The following ZMAT5 variants were observed in gnomAD, a reference collection of about 807,000 sequenced individuals.
ZMAT5 encodes zinc finger matrin-type protein 5.
In ZMAT5, 23 loss-of-function variants were observed where a neutral mutation model predicts 28.0. The observed-to-expected ratio is 0.82, with a 90% CI of 0.59 to 1.16. The LOEUF is 1.16. Ranked by LOEUF, ZMAT5 falls within the 50% of genes most tolerant of loss-of-function variation. The pLI, the probability that ZMAT5 is intolerant of heterozygous loss-of-function variation, is 0.00. For missense variants in ZMAT5, 173 were observed against 212.7 expected (o/e 0.81, Z 1.16); for synonymous variants, 76 against 84.1 (o/e 0.90, Z 0.52).
At chr22:29,753,817 C>T (rs539375034) in intron 1 of ZMAT5, among the ~76,000 whole-genome samples, 1 of 152,282 alleles carries the variant, frequency 6.6e-6, no homozygotes, top group South Asian at 2.1e-4. Context: ...AGGCATGTGC[C>T]TGAGGCCATG....
chr22:29,744,638 C>T (rs371874049), intron 2 of ZMAT5, among the ~76,000 whole-genome samples: 139 of 152,278 alleles, frequency 9.1e-4, no homozygotes, highest in African/African-American at 3.3e-3. Context: ...GGGTCCTATA[C>T]AAGGGGCTGT....
At chr22:29,749,525 T>C (rs889139494) in intron 1 of ZMAT5, among the ~76,000 whole-genome samples, 18 of 152,144 alleles carry the variant, frequency 1.2e-4, no homozygotes, top group African/African-American at 4.1e-4. Flanking sequence ...CCCGCCTCAC[T>C]TCCCCTCCTG....
intron 1 of ZMAT5, among the ~76,000 whole-genome samples, chr22:29,753,117 G>C (rs1292288530): frequency 6.6e-6 from 1 of 152,182 alleles, no homozygotes; most frequent in Admixed American, 6.5e-5. Context: ...AGAGTTAAGA[G>C]CTGGCTCTGG....
At chr22:29,745,860 AGCAGAAGCCCTGGG>A (rs2068004976) in intron 2 of ZMAT5, among the ~76,000 whole-genome samples, 1 of 152,236 alleles carries the variant, frequency 6.6e-6, no homozygotes, top group African/African-American at 2.4e-5. Flanking sequence ...GCTCAGAGTG[AGCAGAAGCCCTGGG>A]GCAGCCTCCT....
chr22:29,738,255 G>A, intron 5 of ZMAT5, 75 bp downstream of exon 5: 1 of 1,368,538 alleles, frequency 7.3e-7, no homozygotes, highest in Non-Finnish European at 1.0e-6. Context: ...AGATTCCTGA[G>A]CCTCAGGAAG....
chr22:29,740,773 C>T (rs1370496066), intron 3 of ZMAT5, 43 bp from the exon 4 acceptor site: 1 of 1,551,210 alleles, frequency 6.4e-7, no homozygotes, highest in Non-Finnish European at 8.8e-7. Flanking sequence ...GGGAGGGGCT[C>T]CCCACAGGGG....
intron 5 of ZMAT5, among the ~76,000 whole-genome samples, chr22:29,735,028 C>G (rs1237602603): frequency 1.3e-5 from 2 of 152,076 alleles, no homozygotes; most frequent in African/African-American, 2.4e-5. Context: ...TGCTGCAGCA[C>G]TGCCTCCAGG....
intron 4 of ZMAT5, 38 bp downstream of exon 4, chr22:29,740,612 C>T (rs753383627): frequency 6.4e-7 from 1 of 1,559,028 alleles, no homozygotes; most frequent in Admixed American, 1.9e-5. Flanking sequence ...TGCCCCAGCA[C>T]CCCACTCCCG....
rs936861135 is a variant in ZMAT5, at chr22:29,763,607, A to AAAT, written c.-28+3262_-28+3264dup. Among the ~76,000 whole-genome samples the AAAT allele has an allele frequency of 1.1e-3, 169 of 151,212 alleles. 3 individuals are homozygous for AAAT. In the South Asian group the frequency reaches 0.018, roughly 16 times the overall value. On this transcript the variant is annotated intron_variant, in intron 1 of 5. Coordinates refer to ENST00000344318, the MANE Select transcript of ZMAT5 (RefSeq NM_001003692.2). ...ACAGAACGAGACTCCGTCTCAAACA[A>AAAT]AATAATAATAATAATAATAAATAAA...
chr22:29,732,643 G>C (rs566591789), intron 5 of ZMAT5, among the ~76,000 whole-genome samples: 1 of 151,520 alleles, frequency 6.6e-6, no homozygotes, highest in Middle Eastern at 3.4e-3. Flanking sequence ...GGGAGGCTGA[G>C]GCAGGAGAAT....
At chr22:29,760,029 C>T (rs1341385245) in intron 1 of ZMAT5, among the ~76,000 whole-genome samples, 1 of 152,064 alleles carries the variant, frequency 6.6e-6, no homozygotes, top group Non-Finnish European at 1.5e-5. Context: ...GGTGAAACCC[C>T]ATCTCTACTA....
chr22:29,762,391 G>T (rs1336189095), intron 1 of ZMAT5, among the ~76,000 whole-genome samples: 1 of 152,246 alleles, frequency 6.6e-6, no homozygotes, highest in Non-Finnish European at 1.5e-5. Context: ...GTCAGGAGCT[G>T]GGCCGCACAG....
At chr22:29,739,634 G>A (rs1207592523) in intron 4 of ZMAT5, among the ~76,000 whole-genome samples, 7 of 152,216 alleles carry the variant, frequency 4.6e-5, no homozygotes, top group Non-Finnish European at 1.0e-4. Flanking sequence ...TCCCCGCTCG[G>A]CATCGTCTCC....
chr22:29,740,861 G>T, intron 3 of ZMAT5, 131 bp from the exon 4 acceptor site: 1 of 774,958 alleles, frequency 1.3e-6, no homozygotes, highest in Non-Finnish European at 2.1e-6. Flanking sequence ...ACCCTGATCC[G>T]GGACAGAAAA....
Position 29,742,586 on chromosome 22 carries a change from TGCAGAAA to T in ZMAT5, c.128-113_128-107del. On this transcript the variant is annotated intron_variant, in intron 2 of 5. Coordinates refer to ENST00000344318, the MANE Select transcript of ZMAT5 (RefSeq NM_001003692.2). ...TGGACCCTTTATCTCGACACAGCTG[TGCAGAAA>T]GAAGAGTTTCCTGTTCCACGGAGGA... The T allele has an allele frequency of 3.8e-6, 4 of 1,061,000 alleles. No homozygotes were observed. In the South Asian group the frequency reaches 5.2e-5, roughly 14 times the overall value. 65.7% of individuals were successfully genotyped at this position (1,061,000 alleles called of 1,614,324 possible).
At chr22:29,740,622 G>A (rs758235625) in intron 4 of ZMAT5, 28 bp downstream of exon 4, 20 of 1,573,190 alleles carry the variant, frequency 1.3e-5, no homozygotes, top group Admixed American at 3.8e-5. Context: ...CCCCACTCCC[G>A]CTTAGCCCAG....
intron 5 of ZMAT5, among the ~76,000 whole-genome samples, chr22:29,734,200 C>T (rs1253630086): frequency 1.3e-5 from 2 of 152,174 alleles, no homozygotes; most frequent in Non-Finnish European, 2.9e-5. Context: ...CTGAGGCCGC[C>T]GCTGCTCTTG....
chr22:29,734,758 A>G, intron 5 of ZMAT5, among the ~76,000 whole-genome samples: 1 of 152,242 alleles, frequency 6.6e-6, no homozygotes, highest in East Asian at 1.9e-4. Flanking sequence ...TGGGACCACC[A>G]GTCAGGCCAG....
At chr22:29,732,475 C>T (rs1034857576) in intron 5 of ZMAT5, among the ~76,000 whole-genome samples, 3 of 152,170 alleles carry the variant, frequency 2.0e-5, no homozygotes, top group Non-Finnish European at 2.9e-5. Context: ...CAGTGACTCA[C>T]GCCTGTAATC....
Sources: gnomAD v4.1 joint callset for allele counts (sites outside exome capture counted in the v4.1 genomes callset) on GRCh38, gnomAD v4.1.1 for gene constraint, MANE v1.5 for transcripts, NCBI Gene and HGNC (gene_info 2026-07-23, HGNC 2026-07-21) for gene names.